Variants in SELENON observed in about 807,000 individuals in gnomAD.
The protein encoded by SELENON is selenoprotein N.
In SELENON, 44 loss-of-function variants were observed where a neutral mutation model predicts 59.5. The ratio of observed to expected loss-of-function variants is 0.74; its 90% confidence interval spans 0.58 to 0.95. The LOEUF (loss-of-function observed/expected upper bound fraction) is 0.95, where lower values mean the gene tolerates loss of function less well. SELENON is among the 40% of genes least tolerant of loss of function. The pLI is 0.00. For missense variants in SELENON, 674 were observed against 721.4 expected, an observed-to-expected ratio of 0.93 and a Z score of 0.75; for synonymous variants, 320 against 305.6, an observed-to-expected ratio of 1.05 and a Z score of -0.49.
In SELENON at chr1:25,808,795, G is replaced by T. The variant is rs562708936; in HGVS notation, c.747+6G>T. The T allele has an allele frequency of 6.2e-7, 1 of 1,613,582 alleles. No individual in the cohort carries two copies. The highest frequency in any genetic ancestry group is 1.3e-5 in the African/African-American group (1 of 75,062). On this transcript the variant is annotated splice_donor_region_variant and intron_variant, in intron 5 of 12. Transcript: ENST00000361547. The stretch of plus-strand genomic sequence containing the variant: ...CGCCGCCCAAGGGCAAGGAGGTGAG[G>T]ACAGCTGGGGTGCGACGTGGGGCCC...
Position 25,811,695 on chromosome 1 carries a change from A to T in SELENON, c.1097A>T (p.Glu366Val). 1.9e-6 allele frequency: 3 copies of T among 1,610,778 alleles called. No homozygotes were observed. Among genetic ancestry groups the T allele is most frequent in the Non-Finnish European group, 2.5e-6 (3 of 1,178,652 alleles). The change falls in exon 9 of 13, where the codon GAG becomes GTG. Residue 366 changes from glutamate to valine, a missense_variant. Glu to Val is a moderately radical substitution (Grantham distance 121). Coordinates refer to ENST00000361547, the MANE Select transcript of SELENON (RefSeq NM_020451.3). ...TACCACTGACCTCTGGCCCAGATGG[A>T]GCTGGAGGCCACGGGCCCCTCTGTG...
rs1177981973 is a variant in SELENON, at chr1:25,817,856, T to A, written c.*2138T>A. The A allele has an allele frequency of 1.3e-5, 2 of 152,298 alleles. No homozygotes were observed. The highest frequency in any genetic ancestry group is 2.9e-5 in the Non-Finnish European group (2 of 68,106). 9.4% of individuals were successfully genotyped at this position (152,298 alleles called of 1,614,324 possible). On this transcript the variant is annotated 3_prime_UTR_variant, in exon 13 of 13. Transcript: ENST00000361547. Reference sequence around the variant, plus strand: ...CCAGATGGGGCATGAGCCAGCCAGCTCAGCCAGGCTCCCTGTGTCCTGGGA... The same window carrying A: ...CCAGATGGGGCATGAGCCAGCCAGCACAGCCAGGCTCCCTGTGTCCTGGGA...
Position 25,815,893 on chromosome 1 carries a change from C to T in SELENON, c.*175C>T. The stretch of plus-strand genomic sequence containing the variant: ...CCTTGGCTCCATGGTGGCGGGTAGA[C>T]AAGGGATGCCTGGGCTGACTGGGCA... On this transcript the variant is annotated 3_prime_UTR_variant, in exon 13 of 13. Transcript: ENST00000361547. 1 of 634,412 alleles carries T rather than the reference C, an allele frequency of 1.6e-6. No homozygotes were observed. The allele number at this position is 634,412 out of a possible 1,614,324, so 39.3% of individuals were successfully genotyped here.
In SELENON at chr1:25,812,785, C is replaced by T; in HGVS notation, c.1380C>T (p.Ser460=). 6.2e-7 allele frequency: 1 copy of T among 1,612,224 alleles called. No homozygotes were observed. The highest frequency in any genetic ancestry group is 1.1e-5 in the South Asian group (1 of 90,694). Reference sequence around the variant, plus strand: ...TGTGGGGGGCCCTGGATGACCAGTCCTGCTGAGGTGAGGGGCCCGGCTGGA... The same window carrying T: ...TGTGGGGGGCCCTGGATGACCAGTCTTGCTGAGGTGAGGGGCCCGGCTGGA... Residue 460 remains serine, a synonymous_variant, in exon 10 of 13, where the codon TCC becomes TCT. Transcript: ENST00000361547.
Position 25,811,837 on chromosome 1 carries a change from G to A in SELENON, c.1239G>A (p.Glu413=), listed in dbSNP as rs770918460. Reference sequence around the variant, plus strand: ...GGCAGCAGGAGCTGAGCTGGGAGGAGGCTGCCCGGCGCCTGGAGGTGGCCA... The same window carrying A: ...GGCAGCAGGAGCTGAGCTGGGAGGAAGCTGCCCGGCGCCTGGAGGTGGCCA... Residue 413 remains glutamate, a synonymous_variant, in exon 9 of 13, where the codon GAG becomes GAA. Transcript: ENST00000361547. 5.7e-6 allele frequency: 9 copies of A among 1,581,326 alleles called. No homozygotes were observed. Among genetic ancestry groups the A allele is most frequent in the Non-Finnish European group, 6.9e-6 (8 of 1,163,740 alleles).
In SELENON at chr1:25,809,056, C is replaced by T; in HGVS notation, c.778C>T (p.His260Tyr). The T allele has an allele frequency of 6.2e-7, 1 of 1,613,816 alleles. No homozygotes were observed. The highest frequency in any genetic ancestry group is 1.1e-5 in the South Asian group (1 of 91,086). ...CATCCACCGGCTCCTGAGCATGTTCCACCCTCGGCCCTTTGTGAAGACCCG... is the reference window on the plus strand; with the variant it reads ...CATCCACCGGCTCCTGAGCATGTTCTACCCTCGGCCCTTTGTGAAGACCCG... The change falls in exon 6 of 13, where the codon CAC (histidine) becomes TAC (tyrosine). Residue 260 changes from histidine to tyrosine, a missense_variant. His to Tyr is a moderately conservative substitution (Grantham distance 83, BLOSUM62 2). Coordinates refer to ENST00000361547, the MANE Select transcript of SELENON (RefSeq NM_020451.3).
rs746703040 is a variant in SELENON at position 25,807,977 on chromosome 1, C to G, written c.538-603C>G. ...GCCCTTCTGGGGGTGGCCTTCCTTCCCCTTCCCTGTGGTCTCATCCTGCTC... is the reference window on the plus strand; with the variant it reads ...GCCCTTCTGGGGGTGGCCTTCCTTCGCCTTCCCTGTGGTCTCATCCTGCTC... On this transcript the variant is annotated intron_variant, in intron 4 of 12. Coordinates refer to ENST00000361547, the MANE Select transcript of SELENON (RefSeq NM_020451.3). This position sits in a 1 kb window ranked among gnomAD's most constrained non-coding sequence, Gnocchi z 4.5. Among the ~76,000 whole-genome samples, 1 of 152,216 alleles carries G rather than the reference C, an allele frequency of 6.6e-6. No individual in the cohort carries two copies. The highest frequency in any genetic ancestry group is 1.5e-5 in the Non-Finnish European group (1 of 68,034).
chr1:25,812,542 CAAAT>C lies in SELENON; in HGVS notation c.1282-143_1282-140del, dbSNP rs1273264937. On this transcript the variant is annotated intron_variant, in intron 9 of 12. Transcript: ENST00000361547. ...ATGTACATATACACAGACATACACA[CAAAT>C]ATATATGCCTACACACAAACACACA... 1,033 of 664,054 alleles carry C rather than the reference CAAAT, an allele frequency of 1.6e-3. 10 individuals carry two copies. The highest frequency in any genetic ancestry group is 0.015 in the African/African-American group (837 of 54,926). 41.1% of individuals were successfully genotyped at this position (664,054 alleles called of 1,614,324 possible). A position where few individuals can be genotyped will look rare whatever the true frequency, so the allele number is the denominator to read the frequency against.
intron 12 of SELENON, among the ~76,000 whole-genome samples, chr1:25,814,534 A>C (rs1433632419): frequency 6.6e-6 from 1 of 152,204 alleles, no homozygotes; most frequent in Non-Finnish European, 1.5e-5. Flanking sequence ...GACAGAGACC[A>C]GGAGAGGGCC....
chr1:25,812,685 A>G lies in SELENON; in HGVS notation c.1282-2A>G. The G allele has an allele frequency of 6.2e-7, 1 of 1,607,636 alleles. No individual in the cohort carries two copies. ...CTTCGCTCTGTCTCGGTGTGGCCCC[A>G]GGTCTCCTACTTGCCGTTCACTGAG... On this transcript the variant is annotated splice_acceptor_variant, in intron 9 of 12. Coordinates refer to ENST00000361547, the MANE Select transcript of SELENON (RefSeq NM_020451.3). LOFTEE classifies it high-confidence loss of function.
rs1040390429 is a variant in SELENON, at chr1:25,812,684, C to T, written c.1282-3C>T. On this transcript the variant is annotated splice_region_variant and splice_polypyrimidine_tract_variant and intron_variant, in intron 9 of 12. Coordinates refer to ENST00000361547, the MANE Select transcript of SELENON (RefSeq NM_020451.3). ...GCTTCGCTCTGTCTCGGTGTGGCCCCAGGTCTCCTACTTGCCGTTCACTGA... is the reference window on the plus strand; with the variant it reads ...GCTTCGCTCTGTCTCGGTGTGGCCCTAGGTCTCCTACTTGCCGTTCACTGA... 3.7e-6 allele frequency: 6 copies of T among 1,608,740 alleles called. No individual in the cohort carries two copies. Among genetic ancestry groups the T allele is most frequent in the African/African-American group, 1.3e-5 (1 of 74,606 alleles).
Position 25,811,543 on chromosome 1 carries a change from C to T in SELENON, c.1092+8C>T, listed in dbSNP as rs910816576. On this transcript the variant is annotated splice_region_variant and intron_variant, in intron 8 of 12. Coordinates refer to ENST00000361547, the MANE Select transcript of SELENON (RefSeq NM_020451.3). ...ATCGGCTACATACCCCAGGTGAGCG[C>T]ACAGGAGGCTCCCATCCAGGTGGGC... is the stretch of plus-strand genomic sequence containing the variant. The T allele has an allele frequency of 1.9e-6, 3 of 1,613,830 alleles. No homozygotes were observed. Among genetic ancestry groups the T allele is most frequent in the Non-Finnish European group, 2.5e-6 (3 of 1,179,760 alleles).
In SELENON at chr1:25,800,299, ACCGCGCCG is replaced by A; in HGVS notation, c.77_84del (p.Arg26ProfsTer54). The A allele has an allele frequency of 1.0e-6, 1 of 992,558 alleles. No individual in the cohort carries two copies. Among genetic ancestry groups the A allele is most frequent in the Non-Finnish European group, 1.2e-6 (1 of 835,604 alleles). The allele number at this position is 992,558 out of a possible 1,614,324, so 61.5% of individuals were successfully genotyped here. The stretch of plus-strand genomic sequence containing the variant: ...GCCCCGCCGCGCAGCCTCCCGCGCC[ACCGCGCCG>A]CCGCGCCCGTTCCCTGGCGCTGCTC... On this transcript the variant is annotated frameshift_variant, in exon 1 of 13. Transcript: ENST00000361547. LOFTEE classifies it high-confidence loss of function.
chr1:25,813,093 C>T (rs749550449), intron 10 of SELENON, among the ~76,000 whole-genome samples: 4 of 152,204 alleles, frequency 2.6e-5, no homozygotes, highest in Non-Finnish European at 5.9e-5. Context: ...GAGGGGATAA[C>T]ACACTTACCT....
intron 7 of SELENON, 132 bp downstream of exon 6, chr1:25,809,952 C>T (rs181843496): frequency 4.9e-5 from 59 of 1,205,600 alleles, no homozygotes; most frequent in East Asian, 2.9e-4. Flanking sequence ...ATGGGGCTGA[C>T]GTGGCAGGAG....
In SELENON at chr1:25,814,097, C is replaced by G. The variant is rs755491518; in HGVS notation, c.1521C>G (p.Ser507=). 2 of 1,614,108 alleles carry G rather than the reference C, an allele frequency of 1.2e-6. No homozygotes were observed. Among genetic ancestry groups the G allele is most frequent in the South Asian group, 1.1e-5 (1 of 91,086 alleles). Residue 507 remains serine, a synonymous_variant, in exon 12 of 13, where the codon TCC becomes TCG. Transcript: ENST00000361547. ...CACAGAACAACCAGGAGAACTCGTC[C>G]CACCAGAAGCTGGCTGGCCTGCACC... is the stretch of plus-strand genomic sequence containing the variant.
At position 25,807,683 on chromosome 1, in the gene SELENON, C is replaced by G. The variant is rs1283486426; in HGVS notation, c.538-897C>G. Among the ~76,000 whole-genome samples the G allele has an allele frequency of 6.6e-6, 1 of 152,184 alleles. No homozygotes were observed. Among genetic ancestry groups the G allele is most frequent in the African/African-American group, 2.4e-5 (1 of 41,452 alleles). On this transcript the variant is annotated intron_variant, in intron 4 of 12. Coordinates refer to ENST00000361547, the MANE Select transcript of SELENON (RefSeq NM_020451.3). The surrounding 1 kb of genome is among the most constrained non-coding windows in gnomAD (Gnocchi z 4.5). ...GCACAGCCAGCTCTGCCTTGAGAAC[C>G]GCCTGTTAAATCTGTCTCTGTGGGA...
chr1:25,812,161 C>T (rs772063301), intron 9 of SELENON, among the ~76,000 whole-genome samples: 2 of 152,024 alleles, frequency 1.3e-5, no homozygotes, highest in South Asian at 2.1e-4. Flanking sequence ...GGCAACATAG[C>T]GAGACCCCAT....
At chr1:25,808,865 A>T in intron 5 of SELENON, 76 bp downstream of exon 4, 1 of 1,577,676 alleles carries the variant, frequency 6.3e-7, no homozygotes, top group East Asian at 2.2e-5. Flanking sequence ...CTGCGCCTGG[A>T]CCCCAGTGCC....
Sources: gnomAD v4.1 joint callset for allele counts (sites outside exome capture counted in the v4.1 genomes callset) on GRCh38, gnomAD v4.1.1 for gene constraint, Gnocchi (gnomAD v3.1) non-coding constraint, MANE v1.5 for transcripts, NCBI Gene and HGNC (gene_info 2026-07-23, HGNC 2026-07-21) for gene names.